The following HYAL4 variants were observed in gnomAD, a reference collection of about 807,000 sequenced individuals.
HYAL4 encodes the protein hyaluronidase 4.
HYAL4 carries 37 observed loss-of-function variants against 35.2 expected under a neutral mutation model. That is an observed-to-expected ratio of 1.05 (90% CI 0.81 to 1.38). The LOEUF (loss-of-function observed/expected upper bound fraction) is 1.38. Ranked by LOEUF, HYAL4 falls within the 40% of genes most tolerant of loss-of-function variation. The pLI, the probability that HYAL4 is intolerant of heterozygous loss-of-function variation, is 0.00. For missense variants in HYAL4, 572 were observed against 572.4 expected, an observed-to-expected ratio of 1.00 and a Z score of 0.01; for synonymous variants, 198 against 203.2, an observed-to-expected ratio of 0.97 and a Z score of 0.22.
the HYAL4 span, among the ~76,000 whole-genome samples, chr7:123,816,985 C>T: frequency 2.0e-5 from 3 of 152,132 alleles, no homozygotes; most frequent in Non-Finnish European, 4.4e-5. Flanking sequence ...TGTTGTATTA[C>T]TTAGACAAAT....
intron 1 of HYAL4, among the ~76,000 whole-genome samples, chr7:123,834,350 G>T (rs1158100875): frequency 1.3e-5 from 2 of 152,018 alleles, no homozygotes; most frequent in African/African-American, 4.8e-5. Context: ...TGCGGTTATT[G>T]TAAAAGGGGT....
chr7:123,806,557 C>T, the HYAL4 span, among the ~76,000 whole-genome samples: 13 of 152,034 alleles, frequency 8.6e-5, no homozygotes, highest in Non-Finnish European at 1.9e-4. Context: ...GATTCTCCTG[C>T]CTCAGCCTCC....
chr7:123,849,275 CT>C lies in HYAL4; in HGVS notation c.-52+1118del, dbSNP rs558317021. Among the ~76,000 whole-genome samples, 1,351 of 151,926 alleles carry C rather than the reference CT, an allele frequency of 8.9e-3. 18 individuals are homozygous for C. The highest frequency in any genetic ancestry group is 0.031 in the African/African-American group (1,268 of 41,454). On this transcript the variant is annotated intron_variant, in intron 2 of 4. Coordinates refer to ENST00000223026, the MANE Select transcript of HYAL4 (RefSeq NM_012269.3). ...AATAACTAATGTACAGTCTCTCTCT[CT>C]CTCTCTCTCCCTCTCTCTCTCTCTT...
chr7:123,781,498 C>T, the HYAL4 span, among the ~76,000 whole-genome samples: 2 of 147,276 alleles, frequency 1.4e-5, no homozygotes, highest in African/African-American at 5.0e-5. Context: ...CCCGGTTCCC[C>T]TTATTTCTTT....
the HYAL4 span, among the ~76,000 whole-genome samples, chr7:123,810,414 TTGG>T: frequency 6.6e-6 from 1 of 152,224 alleles, no homozygotes; most frequent in African/African-American, 2.4e-5. Context: ...AAACTCCTTG[TTGG>T]TCACATAGAT....
intron 3 of HYAL4, among the ~76,000 whole-genome samples, chr7:123,873,419 C>T (rs1278078577): frequency 7.1e-6 from 1 of 140,670 alleles, no homozygotes; most frequent in African/African-American, 2.6e-5. Context: ...AAAAAAAAAA[C>T]TTTAAAAACT....
At chr7:123,809,239 A>T in the HYAL4 span, among the ~76,000 whole-genome samples, 1 of 152,126 alleles carries the variant, frequency 6.6e-6, no homozygotes, top group Non-Finnish European at 1.5e-5. Flanking sequence ...TTTGTAACTT[A>T]AAATCTCCAA....
chr7:123,870,448 C>T (rs1191634644), intron 3 of HYAL4, among the ~76,000 whole-genome samples: 1 of 152,000 alleles, frequency 6.6e-6, no homozygotes, highest in African/African-American at 2.4e-5. Context: ...AATAGGAAGT[C>T]AGTACCGTCT....
chr7:123,843,097 T>C (rs183352713), upstream of HYAL4, among the ~76,000 whole-genome samples: 619 of 152,168 alleles, frequency 4.1e-3, 10 homozygotes, highest in Middle Eastern at 0.014. Context: ...ATAGCATCGA[T>C]GGTCTTTACA....
Position 123,868,204 on chromosome 7 carries a change from A to C in HYAL4, c.-51-19A>C. 1 of 707,412 alleles carries C rather than the reference A, an allele frequency of 1.4e-6. No homozygotes were observed. Among genetic ancestry groups the C allele is most frequent in the Non-Finnish European group, 2.2e-6 (1 of 452,460 alleles). The allele number at this position is 707,412 out of a possible 1,614,324, so 43.8% of individuals were successfully genotyped here. ...TTTCCTCAAAACTATGACTAACAGA[A>C]AATTAAATCTCTCCACAGGTCTTCT... is the stretch of plus-strand genomic sequence containing the variant. On this transcript the variant is annotated intron_variant, in intron 2 of 4. Coordinates refer to ENST00000223026, the MANE Select transcript of HYAL4 (RefSeq NM_012269.3).
the HYAL4 span, among the ~76,000 whole-genome samples, chr7:123,793,194 G>T: frequency 2.6e-5 from 4 of 152,212 alleles, no homozygotes; most frequent in Non-Finnish European, 5.9e-5. Flanking sequence ...AGGGTCTCAT[G>T]CCATGCTCCA....
At chr7:123,821,125 C>T in the HYAL4 span, among the ~76,000 whole-genome samples, 1 of 152,224 alleles carries the variant, frequency 6.6e-6, no homozygotes, top group East Asian at 1.9e-4. Context: ...ATGCAGACAC[C>T]TCTTTGAGAT....
chr7:123,855,255 C>G (rs146752331), intron 2 of HYAL4, among the ~76,000 whole-genome samples: 1 of 152,196 alleles, frequency 6.6e-6, no homozygotes, highest in East Asian at 1.9e-4. Flanking sequence ...ATGATGCTAG[C>G]TGGTTATTTT....
chr7:123,867,925 A>G (rs1806729896), intron 2 of HYAL4, among the ~76,000 whole-genome samples: 1 of 152,216 alleles, frequency 6.6e-6, no homozygotes, highest in African/African-American at 2.4e-5. Context: ...GATGGTAAAT[A>G]TTATTTCACA....
At chr7:123,798,318 G>C in the HYAL4 span, among the ~76,000 whole-genome samples, 1 of 152,102 alleles carries the variant, frequency 6.6e-6, no homozygotes, top group Non-Finnish European at 1.5e-5. Context: ...CCTTCTACTT[G>C]CTCAGTGCTT....
At chr7:123,828,623 A>G (rs561491076), upstream of HYAL4, among the ~76,000 whole-genome samples, 10 of 152,310 alleles carry the variant, frequency 6.6e-5, no homozygotes, top group South Asian at 2.1e-4. Context: ...TTAAAGTTCA[A>G]TTTTAACAAA....
upstream of HYAL4, among the ~76,000 whole-genome samples, chr7:123,841,236 T>C (rs1369598123): frequency 6.6e-6 from 1 of 152,028 alleles, no homozygotes; most frequent in African/African-American, 2.4e-5. Context: ...TCTACATATA[T>C]TGAGATAATC....
chr7:123,785,001 G>C, the HYAL4 span, among the ~76,000 whole-genome samples: 5 of 152,126 alleles, frequency 3.3e-5, no homozygotes, highest in African/African-American at 4.8e-5. This position sits in a 1 kb window ranked among gnomAD's most constrained non-coding sequence, Gnocchi z 4.5. Context: ...AAACCAGCTG[G>C]ATAATTTATT....
the HYAL4 span, among the ~76,000 whole-genome samples, chr7:123,809,215 T>C: frequency 6.6e-6 from 1 of 152,140 alleles, no homozygotes. Context: ...CCTGAAAACC[T>C]GTCCATTATG....
Sources: gnomAD v4.1 joint callset for allele counts (sites outside exome capture counted in the v4.1 genomes callset) on GRCh38, gnomAD v4.1.1 for gene constraint, Gnocchi (gnomAD v3.1) non-coding constraint, MANE v1.5 for transcripts, NCBI Gene and HGNC (gene_info 2026-07-23, HGNC 2026-07-21) for gene names.